The following MTHFS variants were observed in gnomAD, a reference collection of about 807,000 sequenced individuals.
MTHFS encodes methenyltetrahydrofolate synthetase.
A neutral mutation model predicts 12.7 loss-of-function variants in MTHFS; 7 were observed. The observed-to-expected ratio is 0.55, with a 90% confidence interval of 0.31 to 1.03. The LOEUF is 1.03. Ranked by LOEUF, MTHFS falls within the 50% of genes least tolerant of loss-of-function variation. MTHFS has a pLI of 0.05. For synonymous variants in MTHFS, 100 were observed against 97.1 expected (o/e 1.03, Z -0.18); for missense variants, 252 against 258.1 (o/e 0.98, Z 0.16).
chr15:79,869,724 A>T (rs1292703421), intron 2 of MTHFS, among the ~76,000 whole-genome samples: 2 of 152,198 alleles, frequency 1.3e-5, no homozygotes, highest in Non-Finnish European at 2.9e-5. Flanking sequence ...ATGAGCCACC[A>T]TGCCTGGCTC....
chr15:79,876,700 A>G (rs1049747429), intron 2 of MTHFS: 2 of 152,032 alleles, frequency 1.3e-5, no homozygotes, highest in African/African-American at 4.8e-5. Flanking sequence ...AATAAAGAAT[A>G]TCAATGAAGA....
At chr15:79,845,511 T>G in intron 2 of MTHFS, 69 bp from the exon 3 acceptor site, 1 of 1,540,568 alleles carries the variant, frequency 6.5e-7, no homozygotes, top group South Asian at 1.2e-5. Context: ...ATGTGTTTTT[T>G]GTTTTGTAAT....
At chr15:79,853,094 C>T (rs2033743305) in intron 2 of MTHFS, among the ~76,000 whole-genome samples, 1 of 152,052 alleles carries the variant, frequency 6.6e-6, no homozygotes, top group Admixed American at 6.6e-5. Context: ...ATCCTTCTAC[C>T]CATAATACAG....
intron 2 of MTHFS, among the ~76,000 whole-genome samples, chr15:79,863,770 C>T (rs1351316139): frequency 6.6e-6 from 1 of 152,232 alleles, no homozygotes; most frequent in African/African-American, 2.4e-5. Context: ...GACCATATGG[C>T]ATATGCGGCA....
chr15:79,855,496 G>A (rs1239492334), intron 2 of MTHFS, among the ~76,000 whole-genome samples: 1 of 152,096 alleles, frequency 6.6e-6, no homozygotes, highest in Admixed American at 6.5e-5. Flanking sequence ...ATGGGTGGAT[G>A]GAACTTTTCA....
At chr15:79,863,279 G>A (rs2033949342) in intron 2 of MTHFS, among the ~76,000 whole-genome samples, 2 of 151,994 alleles carry the variant, frequency 1.3e-5, no homozygotes, top group Admixed American at 1.3e-4. Flanking sequence ...CTGTCCCTTG[G>A]GACAGCCTGT....
At chr15:79,862,923 G>A (rs1297120685) in intron 2 of MTHFS, among the ~76,000 whole-genome samples, 5 of 152,112 alleles carry the variant, frequency 3.3e-5, no homozygotes, top group African/African-American at 1.2e-4. Context: ...ACTCTGGCAA[G>A]TCCTGAATCA....
chr15:79,896,915 C>T lies in MTHFS; in HGVS notation c.74G>A (p.Ser25Asn), dbSNP rs1205562670. 2.6e-6 allele frequency: 4 copies of T among 1,542,276 alleles called. No individual in the cohort carries two copies. Among genetic ancestry groups the T allele is most frequent in the Admixed American group, 2.0e-5 (1 of 50,956 alleles). ...GGACTGGCGTAGCCGCTCCTCGGCA[C>T]TCATCGCCCGCAGACGCTGCTTCAG... is the stretch of plus-strand genomic sequence containing the variant. ...GELKQRLRAM[S>N]AEERLRQSRV... Residue 25 changes from serine to asparagine, a missense_variant, in exon 1 of 3, where the codon AGT (serine) becomes AAT (asparagine). Coordinates refer to ENST00000258874, the MANE Select transcript of MTHFS (RefSeq NM_006441.4).
Position 79,892,866 on chromosome 15 carries a change from G to A in MTHFS, c.118-3512C>T, listed in dbSNP as rs545974596. 5.3e-5 allele frequency among the ~76,000 whole-genome samples: 8 copies of A among 152,070 alleles called. No individual in the cohort carries two copies. In the East Asian group the frequency reaches 5.8e-4, roughly 11 times the overall value. On this transcript the variant is annotated intron_variant, in intron 1 of 2. Coordinates refer to ENST00000258874, the MANE Select transcript of MTHFS (RefSeq NM_006441.4). ...CTCGGGAGGCTGAGCCAGGAGAATC[G>A]CTTGAACCCGGGAGGCGGAGGTTGC... is the stretch of plus-strand genomic sequence containing the variant.
At chr15:79,867,321 C>A (rs1351735745) in intron 2 of MTHFS, among the ~76,000 whole-genome samples, 1 of 150,654 alleles carries the variant, frequency 6.6e-6, no homozygotes, top group Non-Finnish European at 1.5e-5. Flanking sequence ...AAGCCAAACT[C>A]TCAGTGGAGT....
intron 1 of MTHFS, among the ~76,000 whole-genome samples, chr15:79,892,822 G>A (rs1231285669): frequency 3.3e-5 from 5 of 151,980 alleles, no homozygotes; most frequent in South Asian, 2.1e-4. Flanking sequence ...ATAGTGGCGC[G>A]CACCTGTAGT....
At chr15:79,893,168 G>C (rs905568145) in intron 1 of MTHFS, among the ~76,000 whole-genome samples, 1 of 152,074 alleles carries the variant, frequency 6.6e-6, no homozygotes, top group African/African-American at 2.4e-5. Context: ...ACTTTGGCAG[G>C]CCGAGGCAGG....
intron 2 of MTHFS, among the ~76,000 whole-genome samples, chr15:79,869,300 C>T (rs944005766): frequency 3.3e-5 from 5 of 152,114 alleles, no homozygotes; most frequent in Non-Finnish European, 7.4e-5. Context: ...AGAATCAGTG[C>T]AAATATTTCC....
chr15:79,855,550 T>G (rs1158022131), intron 2 of MTHFS, among the ~76,000 whole-genome samples: 1 of 152,190 alleles, frequency 6.6e-6, no homozygotes, highest in Non-Finnish European at 1.5e-5. Flanking sequence ...GGGGTACATG[T>G]GCAGGTTTGT....
chr15:79,878,831 A>C (rs909006244), intron 2 of MTHFS, among the ~76,000 whole-genome samples: 3 of 150,142 alleles, frequency 2.0e-5, no homozygotes, highest in Non-Finnish European at 3.0e-5. Context: ...CCTCTGGGAC[A>C]AGTCAGCCTA....
At chr15:79,893,531 T>C (rs1352337886) in intron 1 of MTHFS, among the ~76,000 whole-genome samples, 1 of 151,282 alleles carries the variant, frequency 6.6e-6, no homozygotes, top group Non-Finnish European at 1.5e-5. Flanking sequence ...ACCCCATCTC[T>C]ACTAAAAATA....
At chr15:79,862,350 C>A (rs1416699656) in intron 2 of MTHFS, among the ~76,000 whole-genome samples, 4 of 152,172 alleles carry the variant, frequency 2.6e-5, no homozygotes, top group African/African-American at 9.7e-5. Flanking sequence ...GCAAGTCTTA[C>A]CTGGGGTCAG....
chr15:79,881,826 C>T (rs538588974), intron 2 of MTHFS, among the ~76,000 whole-genome samples: 1 of 152,226 alleles, frequency 6.6e-6, no homozygotes, highest in Non-Finnish European at 1.5e-5. Flanking sequence ...GAAACCAGAA[C>T]TGGGTGACCT....
chr15:79,869,647 T>C (rs764366039), intron 2 of MTHFS, among the ~76,000 whole-genome samples: 14 of 152,148 alleles, frequency 9.2e-5, no homozygotes, highest in East Asian at 1.9e-4. Flanking sequence ...TTTCCCAGGC[T>C]AGTCTTAAAT....
Sources: gnomAD v4.1 joint callset for allele counts (sites outside exome capture counted in the v4.1 genomes callset) on GRCh38, gnomAD v4.1.1 for gene constraint, MANE v1.5 for transcripts, NCBI Gene and HGNC (gene_info 2026-07-23, HGNC 2026-07-21) for gene names.